The following BNC2 variants were observed in gnomAD, a reference collection of about 807,000 sequenced individuals.
BNC2 encodes zinc finger protein basonuclin-2.
BNC2 carries 20 observed loss-of-function variants against 76.3 expected under a neutral mutation model. The observed-to-expected ratio is 0.26, with a 90% CI of 0.18 to 0.38. BNC2 has a LOEUF of 0.38. BNC2 is among the 10% of genes least tolerant of loss of function. The pLI is 1.00. For missense variants in BNC2, 1,382 were observed against 1,399.8 expected, an observed-to-expected ratio of 0.99 and a Z score of 0.20; for synonymous variants, 582 against 514.8, an observed-to-expected ratio of 1.13 and a Z score of -1.77.
chr9:16,865,380 C>T (rs921582249), intron 1 of BNC2, among the ~76,000 whole-genome samples: 6 of 151,980 alleles, frequency 3.9e-5, no homozygotes, highest in African/African-American at 7.2e-5. Flanking sequence ...CTTTAGTGAA[C>T]GTAATTTGTT....
intron 1 of BNC2, among the ~76,000 whole-genome samples, chr9:16,817,621 G>A (rs1466923635): frequency 1.3e-5 from 2 of 152,166 alleles, no homozygotes; most frequent in East Asian, 1.9e-4. Context: ...CACTGAAGGT[G>A]TTTCTCAAAT....
At chr9:16,469,623 C>T (rs563529186) in intron 5 of BNC2, among the ~76,000 whole-genome samples, 4 of 152,190 alleles carry the variant, frequency 2.6e-5, no homozygotes, top group African/African-American at 7.2e-5. Context: ...AAAAGACACC[C>T]GAAAATGTGA....
intron 3 of BNC2, among the ~76,000 whole-genome samples, chr9:16,641,920 T>C (rs1384704847): frequency 1.3e-5 from 2 of 152,206 alleles, no homozygotes; most frequent in African/African-American, 2.4e-5. Context: ...GGAATGGCCA[T>C]TTTTCTGTTT....
intron 1 of BNC2, among the ~76,000 whole-genome samples, chr9:16,793,942 TCCTCCCATCTCGG>T (rs1817582473): frequency 6.8e-6 from 1 of 147,644 alleles, no homozygotes. Flanking sequence ...GACCTCGTGA[TCCTCCCATCTCGG>T]CCTCCCAAAG....
rs1042090964 is a variant in BNC2 at position 16,572,021 on chromosome 9, T to G, written c.433+10962A>C. Among the ~76,000 whole-genome samples, 9 of 152,228 alleles carry G rather than the reference T, an allele frequency of 5.9e-5. No individual in the cohort carries two copies. In the South Asian group the frequency reaches 1.9e-3, roughly 32 times the overall value. ...AGGTGTTTTCTTTTATGTTAGAGGTTGATTTGTTTTTTAATTTTTACTGAT... is the reference window on the plus strand; with the variant it reads ...AGGTGTTTTCTTTTATGTTAGAGGTGGATTTGTTTTTTAATTTTTACTGAT... On this transcript the variant is annotated intron_variant, in intron 4 of 6. Coordinates refer to ENST00000380672, the MANE Select transcript of BNC2 (RefSeq NM_017637.6).
intron 1 of BNC2, among the ~76,000 whole-genome samples, chr9:16,847,084 A>C (rs900739869): frequency 1.3e-5 from 2 of 152,190 alleles, no homozygotes; most frequent in African/African-American, 4.8e-5. Context: ...TGATCTCTGT[A>C]GCAGGTCCTC....
chr9:16,669,218 T>C (rs925541591), intron 3 of BNC2, among the ~76,000 whole-genome samples: 1 of 152,206 alleles, frequency 6.6e-6, no homozygotes, highest in Non-Finnish European at 1.5e-5. Context: ...AACTGCCATA[T>C]ATTGAAAGTG....
rs1469758625 is a variant in BNC2, at chr9:16,410,996, G to A, written c.*7993C>T. 6.6e-6 allele frequency: 1 copy of A among 152,248 alleles called. No homozygotes were observed. Among genetic ancestry groups the A allele is most frequent in the African/African-American group, 2.4e-5 (1 of 41,446 alleles). 9.4% of individuals were successfully genotyped at this position (152,248 alleles called of 1,614,324 possible). A position where few individuals can be genotyped will look rare whatever the true frequency, so the allele number is the denominator to read the frequency against. ...GCCACAGCACCGATTCACAGATGGG[G>A]TAGAGGATGCTTTGTCTCCTAGCAT... On this transcript the variant is annotated 3_prime_UTR_variant, in exon 7 of 7. Coordinates refer to ENST00000380672, the MANE Select transcript of BNC2 (RefSeq NM_017637.6).
chr9:16,772,917 G>A (rs1277494829), intron 1 of BNC2, among the ~76,000 whole-genome samples: 1 of 152,122 alleles, frequency 6.6e-6, no homozygotes, highest in East Asian at 1.9e-4. Flanking sequence ...AACTGAAGTG[G>A]CAAGATACAA....
At chr9:16,481,230 A>G (rs377063625) in intron 5 of BNC2, among the ~76,000 whole-genome samples, 3 of 152,078 alleles carry the variant, frequency 2.0e-5, no homozygotes, top group African/African-American at 7.2e-5. Context: ...GTCAAAACAG[A>G]CTACTCGGCT....
chr9:16,829,487 GT>G (rs764191497), intron 1 of BNC2, among the ~76,000 whole-genome samples: 63 of 152,210 alleles, frequency 4.1e-4, no homozygotes, highest in Non-Finnish European at 7.1e-4. Flanking sequence ...AAGTGGGTTG[GT>G]TCCCTAACCC....
At chr9:16,652,567 T>C (rs770986629) in intron 3 of BNC2, among the ~76,000 whole-genome samples, 1 of 152,216 alleles carries the variant, frequency 6.6e-6, no homozygotes, top group Non-Finnish European at 1.5e-5. Flanking sequence ...TTACACACAT[T>C]GAACCTGTCT....
At chr9:16,739,227 G>C (rs950928079) in intron 1 of BNC2, among the ~76,000 whole-genome samples, 14 of 152,168 alleles carry the variant, frequency 9.2e-5, no homozygotes, top group African/African-American at 2.4e-5. Context: ...TTGCTATTTA[G>C]CCTGTTATCT....
At chr9:16,664,204 G>A (rs1339246803) in intron 3 of BNC2, among the ~76,000 whole-genome samples, 1 of 152,120 alleles carries the variant, frequency 6.6e-6, no homozygotes, top group Admixed American at 6.6e-5. Context: ...GATAGGGAAT[G>A]CTCCACGTTA....
At chr9:16,419,671 G>T (rs746033740) in intron 6 of BNC2, 22 bp from the exon 7 acceptor site, 5 of 622,976 alleles carry the variant, frequency 8.0e-6, no homozygotes, top group South Asian at 1.4e-5. Flanking sequence ...AGAGGGAAGG[G>T]GGGGTACGTG....
At chr9:16,815,145 A>G (rs980134532) in intron 1 of BNC2, among the ~76,000 whole-genome samples, 1 of 152,210 alleles carries the variant, frequency 6.6e-6, no homozygotes, top group African/African-American at 2.4e-5. Flanking sequence ...TAAGAAGTGT[A>G]GAATAAAGCA....
At chr9:16,421,274 AG>A in intron 6 of BNC2, 1 of 1,300,506 alleles carries the variant, frequency 7.7e-7, no homozygotes, top group Non-Finnish European at 1.0e-6. Flanking sequence ...TGTGACAATA[AG>A]ATCAGCTTTC....
intron 3 of BNC2, among the ~76,000 whole-genome samples, chr9:16,721,816 G>T (rs916273741): frequency 6.6e-6 from 1 of 152,002 alleles, no homozygotes; most frequent in African/African-American, 2.4e-5. Flanking sequence ...ACTCTGGGGG[G>T]AAAAAGGAGT....
At chr9:16,540,537 T>A (rs1054431005) in intron 5 of BNC2, among the ~76,000 whole-genome samples, 2 of 152,144 alleles carry the variant, frequency 1.3e-5, no homozygotes, top group Non-Finnish European at 2.9e-5. Context: ...CTTAAAATAA[T>A]TTTTGTGGAT....
Sources: gnomAD v4.1 joint callset for allele counts (sites outside exome capture counted in the v4.1 genomes callset) on GRCh38, gnomAD v4.1.1 for gene constraint, MANE v1.5 for transcripts, NCBI Gene and HGNC (gene_info 2026-07-23, HGNC 2026-07-21) for gene names.